The following PSD3 variants were observed in gnomAD, a reference collection of about 807,000 sequenced individuals.
PSD3 encodes the protein pleckstrin and Sec7 domain containing 3, also known as PH and SEC7 domain-containing protein 3.
A neutral mutation model predicts 105.5 loss-of-function variants in PSD3; 49 were observed. The observed-to-expected ratio is 0.46, with a 90% confidence interval of 0.37 to 0.59. The LOEUF (loss-of-function observed/expected upper bound fraction) is 0.59. Ranked by LOEUF, PSD3 falls within the 20% of genes least tolerant of loss-of-function variation. The pLI is 0.00. For synonymous variants in PSD3, 557 were observed against 457.8 expected (o/e 1.22, Z -2.77); for missense variants, 1,561 against 1,263.8 (o/e 1.24, Z -3.57).
chr8:18,840,383 C>A (rs972607534), intron 4 of PSD3, among the ~76,000 whole-genome samples: 1 of 152,154 alleles, frequency 6.6e-6, no homozygotes, highest in African/African-American at 2.4e-5. Context: ...TTCTGCTGTC[C>A]TTAAATGAAC....
chr8:18,788,501 C>A (rs1809397853), intron 8 of PSD3, among the ~76,000 whole-genome samples: 1 of 152,216 alleles, frequency 6.6e-6, no homozygotes, highest in Admixed American at 6.5e-5. Flanking sequence ...GCGAATAGGG[C>A]AGCTGTGTCA....
chr8:18,941,488 C>T (rs560196947), intron 1 of PSD3, among the ~76,000 whole-genome samples: 1 of 152,204 alleles, frequency 6.6e-6, no homozygotes, highest in Admixed American at 6.5e-5. Context: ...AAAACACACC[C>T]TGTATTTAAA....
chr8:18,913,086 A>ACACAC (rs1820350128), intron 2 of PSD3, among the ~76,000 whole-genome samples: 4 of 130,464 alleles, frequency 3.1e-5, no homozygotes, highest in African/African-American at 5.8e-5. Context: ...CACACACACA[A>ACACAC]ACACACACAC....
intron 1 of PSD3, among the ~76,000 whole-genome samples, chr8:19,040,257 C>A (rs746097019): frequency 2.3e-4 from 35 of 152,132 alleles, no homozygotes; most frequent in Non-Finnish European, 4.4e-4. Context: ...GGCTGGAGTG[C>A]AGCGGCATGA....
intron 12 of PSD3, among the ~76,000 whole-genome samples, chr8:18,576,158 T>G (rs1802451318): frequency 6.6e-6 from 1 of 152,078 alleles, no homozygotes; most frequent in African/African-American, 2.4e-5. Context: ...CTCCCTTTCA[T>G]TTATCCCCTC....
chr8:18,767,314 T>C (rs575644460), intron 8 of PSD3, among the ~76,000 whole-genome samples: 94 of 152,326 alleles, frequency 6.2e-4, no homozygotes, highest in African/African-American at 2.2e-3. Flanking sequence ...CTGCTAGCTG[T>C]GGAGGATTTT....
chr8:18,581,590 G>A (rs1388585248), intron 12 of PSD3, among the ~76,000 whole-genome samples: 1 of 152,172 alleles, frequency 6.6e-6, no homozygotes, highest in Non-Finnish European at 1.5e-5. Context: ...GTTATAGCAA[G>A]TAGAAAGAAG....
At chr8:18,836,949 C>A (rs968858146) in intron 4 of PSD3, among the ~76,000 whole-genome samples, 2 of 149,486 alleles carry the variant, frequency 1.3e-5, no homozygotes, top group Non-Finnish European at 3.0e-5. Context: ...AAGTTTCTTA[C>A]GTGTTTTTTT....
chr8:18,583,927 C>T (rs1047920620), intron 12 of PSD3, among the ~76,000 whole-genome samples: 1 of 152,140 alleles, frequency 6.6e-6, no homozygotes, highest in South Asian at 2.1e-4. Flanking sequence ...TCATTATTGA[C>T]TTGCTTCCTA....
intron 1 of PSD3, among the ~76,000 whole-genome samples, chr8:18,983,543 T>C (rs1192718717): frequency 6.6e-6 from 1 of 152,196 alleles, no homozygotes; most frequent in African/African-American, 2.4e-5. Context: ...TAGAGGCCAT[T>C]ATATAGTTAT....
intron 15 of PSD3, among the ~76,000 whole-genome samples, chr8:18,546,422 C>T (rs964358606): frequency 8.5e-5 from 13 of 152,148 alleles, no homozygotes; most frequent in African/African-American, 3.1e-4. Flanking sequence ...GCCTTCCAAC[C>T]CAAGGAGTCA....
intron 9 of PSD3, among the ~76,000 whole-genome samples, chr8:18,730,732 A>G (rs1200270467): frequency 6.6e-6 from 1 of 152,182 alleles, no homozygotes; most frequent in Non-Finnish European, 1.5e-5. Context: ...ATCTCCAAAC[A>G]TTGCCAGATG....
intron 2 of PSD3, among the ~76,000 whole-genome samples, chr8:18,908,276 T>A (rs996080511): frequency 6.6e-6 from 1 of 152,216 alleles, no homozygotes; most frequent in Non-Finnish European, 1.5e-5. Context: ...AGTAAGACTT[T>A]TGGAAATATA....
At chr8:18,580,886 G>C (rs1248704409) in intron 12 of PSD3, among the ~76,000 whole-genome samples, 1 of 152,080 alleles carries the variant, frequency 6.6e-6, no homozygotes, top group African/African-American at 2.4e-5. Flanking sequence ...ATGCACTAAC[G>C]AGCCACCTAC....
At chr8:18,735,314 A>T (rs927550375) in intron 9 of PSD3, among the ~76,000 whole-genome samples, 9 of 152,116 alleles carry the variant, frequency 5.9e-5, no homozygotes, top group African/African-American at 2.2e-4. Context: ...GGAAAGCTTC[A>T]CCTAAGAAGA....
intron 9 of PSD3, among the ~76,000 whole-genome samples, chr8:18,695,961 T>C (rs1801232253): frequency 6.6e-6 from 1 of 152,194 alleles, no homozygotes; most frequent in African/African-American, 2.4e-5. Flanking sequence ...GAATGCACAT[T>C]CCTGGGTAGA....
intron 9 of PSD3, among the ~76,000 whole-genome samples, chr8:18,739,706 G>C (rs186709996): frequency 3.9e-5 from 6 of 152,146 alleles, no homozygotes; most frequent in Admixed American, 2.6e-4. Flanking sequence ...GTATATATTT[G>C]AGGATACAAA....
At chr8:18,944,372 C>A (rs1457862809) in intron 1 of PSD3, among the ~76,000 whole-genome samples, 1 of 152,098 alleles carries the variant, frequency 6.6e-6, no homozygotes, top group Non-Finnish European at 1.5e-5. Context: ...GAGTTTGAGA[C>A]CAGCCTGGCC....
At chr8:18,740,643 T>C (rs1038130774) in intron 9 of PSD3, among the ~76,000 whole-genome samples, 1 of 152,206 alleles carries the variant, frequency 6.6e-6, no homozygotes, top group African/African-American at 2.4e-5. Context: ...CTTTTAAGAT[T>C]ACTTCCATTT....
Sources: allele counts gnomAD v4.1 joint callset (sites outside exome capture counted in the v4.1 genomes callset), GRCh38; gene constraint gnomAD v4.1.1; transcripts MANE v1.5; gene names NCBI Gene and HGNC (gene_info 2026-07-23, HGNC 2026-07-21).